The following LAMA5 variants were observed in gnomAD, a reference collection of about 807,000 sequenced individuals.
LAMA5 encodes the protein laminin subunit alpha 5.
A neutral mutation model predicts 433.4 loss-of-function variants in LAMA5; 260 were observed. That is an observed-to-expected ratio of 0.60 (90% CI 0.54 to 0.66). The LOEUF (loss-of-function observed/expected upper bound fraction) is 0.66, where lower values mean the gene tolerates loss of function less well. Among genes scored for constraint, LAMA5 ranks in the 30% least tolerant of loss-of-function variants. LAMA5 has a pLI of 0.00. For missense variants in LAMA5, 5,378 were observed against 5,258.5 expected (o/e 1.02, Z -0.70); for synonymous variants, 2,620 against 2,226.6 (o/e 1.18, Z -4.97).
At chr20:62,351,669 C>A in intron 6 of LAMA5, 35 bp downstream of exon 6, 1 of 1,592,240 alleles carries the variant, frequency 6.3e-7, no homozygotes, top group Non-Finnish European at 8.6e-7. Context: ...GGGGGGGCCT[C>A]ACCTGAACGG....
rs374364896 is a variant in LAMA5 at position 62,323,387 on chromosome 20, C to T, written c.6064+69G>A. 144 of 1,273,716 alleles carry T rather than the reference C, an allele frequency of 1.1e-4. 1 individual carries two copies. The highest frequency in any genetic ancestry group is 8.3e-4 in the South Asian group (56 of 67,810). The allele number at this position is 1,273,716 out of a possible 1,614,324, so 78.9% of individuals were successfully genotyped here. ...AGGCACACAGCCTACTTACGGGGTA[C>T]GCCCAGCAGGCCTCCCTCCTCCCCG... On this transcript the variant is annotated intron_variant, in intron 45 of 79. Coordinates refer to ENST00000252999, the MANE Select transcript of LAMA5 (RefSeq NM_005560.6).
chr20:62,366,777 C>G (rs571161233), intron 1 of LAMA5, among the ~76,000 whole-genome samples, 172 bp downstream of exon 1: 61 of 152,278 alleles, frequency 4.0e-4, no homozygotes, highest in African/African-American at 1.4e-3. Flanking sequence ...GCGAAGTTTC[C>G]CGGCCGAGAC....
chr20:62,338,356 G>A lies in LAMA5; in HGVS notation c.1632C>T (p.Ser544=). ...AGCGGTCATCGGCCACTCCAGGGCT[G>A]GAACACTGGCAGGCTGCAGGAAAGG... ...YGPGCQPCQC[S]SPGVADDRCD... is the part of the protein sequence containing the mutation. Residue 544 remains serine, a synonymous_variant, in exon 13 of 80, where the codon TCC becomes TCT. Transcript: ENST00000252999. The A allele has an allele frequency of 1.2e-6, 2 of 1,608,770 alleles. No homozygotes were observed. Among genetic ancestry groups the A allele is most frequent in the Non-Finnish European group, 1.7e-6 (2 of 1,177,760 alleles).
intron 31 of LAMA5, among the ~76,000 whole-genome samples, chr20:62,330,284 C>G (rs1980112378): frequency 6.6e-6 from 1 of 152,276 alleles, no homozygotes; most frequent in African/African-American, 2.4e-5. Flanking sequence ...ACGCACGAGA[C>G]AGAGGCGAGA....
chr20:62,314,749 TCCA>T, intron 60 of LAMA5, 24 bp from the exon 61 acceptor site: 1 of 1,612,536 alleles, frequency 6.2e-7, no homozygotes, highest in East Asian at 2.2e-5. Context: ...TCCATCAGCG[TCCA>T]CCACCACCCT....
intron 26 of LAMA5, 134 bp downstream of exon 26, chr20:62,332,956 G>A (rs984997221): frequency 1.5e-4 from 15 of 99,354 alleles, no homozygotes; most frequent in Admixed American, 7.1e-4. Context: ...AGGCAGGGGC[G>A]CCCTGCCTGG....
Position 62,314,646 on chromosome 20 carries a change from T to C in LAMA5, c.8276A>G (p.Tyr2759Cys), listed in dbSNP as rs1207286894. ...CTGCAGGTAGAACTTGAGGGCAGTG[T>C]AGGCAGCAAGGTCGGCAAGATCCCG... ...TPRDLADLAA[Y>C]TALKFYLQGP... The change falls in exon 61 of 80, where the codon TAC becomes TGC. Residue 2759 changes from tyrosine (Y) to cysteine (C), a missense_variant. Coordinates refer to ENST00000252999, the MANE Select transcript of LAMA5 (RefSeq NM_005560.6). 1 of 1,612,656 alleles carries C rather than the reference T, an allele frequency of 6.2e-7. No individual in the cohort carries two copies. Among genetic ancestry groups the C allele is most frequent in the African/African-American group, 1.3e-5 (1 of 75,036 alleles).
At chr20:62,341,643 C>T (rs1982598753) in intron 11 of LAMA5, among the ~76,000 whole-genome samples, 1 of 151,938 alleles carries the variant, frequency 6.6e-6, no homozygotes, top group Non-Finnish European at 1.5e-5. Flanking sequence ...AATAATAACT[C>T]AAGAAGCTAT....
At chr20:62,323,989 C>A in intron 43 of LAMA5, 91 bp downstream of exon 43, 1 of 1,421,646 alleles carries the variant, frequency 7.0e-7, no homozygotes, top group Non-Finnish European at 9.4e-7. Context: ...GCTGTCCAGG[C>A]CTCTGCAGAG....
chr20:62,353,509 T>G (rs113940957), intron 2 of LAMA5, among the ~76,000 whole-genome samples: 4,894 of 152,234 alleles, frequency 0.032, 96 homozygotes, highest in Admixed American at 0.054. Flanking sequence ...ACGCGCTGCC[T>G]CCTCCCCTTC....
In LAMA5 at chr20:62,329,232, C is replaced by T. The variant is rs755017015; in HGVS notation, c.4141G>A (p.Glu1381Lys). 1.2e-5 allele frequency: 19 copies of T among 1,612,508 alleles called. No individual in the cohort carries two copies. The Admixed American group carries it at 3.0e-4, about 25-fold the overall frequency. Residue 1381 changes from glutamate to lysine, a missense_variant, in exon 33 of 80, where the codon GAG becomes AAG. By Grantham distance (56) the Glu-to-Lys change is moderately conservative (BLOSUM62 1). Coordinates refer to ENST00000252999, the MANE Select transcript of LAMA5 (RefSeq NM_005560.6). ...LWLDYVLVVPENVYSFGYLRE... is the reference protein window; with the variant it reads ...LWLDYVLVVPKNVYSFGYLRE... The stretch of plus-strand genomic sequence containing the variant: ...AGGTAGCCAAAGCTGTAGACGTTCT[C>T]AGGGACCACGAGTACATAATCCTAG...
chr20:62,332,242 T>C lies in LAMA5; in HGVS notation c.3552+130A>G, dbSNP rs554212753. On this transcript the variant is annotated intron_variant, in intron 28 of 79. Coordinates refer to ENST00000252999, the MANE Select transcript of LAMA5 (RefSeq NM_005560.6). Reference sequence around the variant, plus strand: ...AGGAGGGGTTCCAGAAGAAACATGCTGGGCTGGGCATGAGCGAGTGTGGCC... The same window carrying C: ...AGGAGGGGTTCCAGAAGAAACATGCCGGGCTGGGCATGAGCGAGTGTGGCC... The C allele has an allele frequency of 1.5e-5, 10 of 662,684 alleles. No individual in the cohort carries two copies. The South Asian group carries it at 1.8e-4, about 12-fold the overall frequency. 41.1% of individuals were successfully genotyped at this position (662,684 alleles called of 1,614,324 possible). A position where few individuals can be genotyped will look rare whatever the true frequency, so the allele number is the denominator to read the frequency against.
intron 23 of LAMA5, 79 bp downstream of exon 23, chr20:62,333,822 T>C (rs1980985594): frequency 1.7e-6 from 1 of 600,888 alleles, no homozygotes; most frequent in African/African-American, 5.4e-5. Context: ...CAGAGGAAGG[T>C]GGCGGGGCTT....
At chr20:62,366,892 G>T in intron 1 of LAMA5, 57 bp downstream of exon 1, 1 of 1,230,384 alleles carries the variant, frequency 8.1e-7, no homozygotes, top group South Asian at 4.1e-5. Context: ...GGGTCGGGCC[G>T]GTGTTCCGGG....
chr20:62,311,296 G>A lies in LAMA5; in HGVS notation c.9954C>T (p.Arg3318=). 1.3e-6 allele frequency: 2 copies of A among 1,582,686 alleles called. No individual in the cohort carries two copies. The highest frequency in any genetic ancestry group is 2.2e-5 in the East Asian group (1 of 44,504). Residue 3318 remains arginine, a synonymous_variant, in exon 73 of 80, where the codon CGC becomes CGT. Coordinates refer to ENST00000252999, the MANE Select transcript of LAMA5 (RefSeq NM_005560.6). ...LQATARKASR[R]SRQPARHPAC... ...CAGGATGCCGGGCGGGCTGACGGCT[G>A]CGGCGGGAGGCCTGGGGGCGTGGAT...
chr20:62,352,682 A>C (rs965616507), intron 3 of LAMA5, among the ~76,000 whole-genome samples: 2 of 152,060 alleles, frequency 1.3e-5, no homozygotes, highest in African/African-American at 4.8e-5. Context: ...TTTGGGGGAC[A>C]CGTGACCAGG....
In LAMA5 at chr20:62,322,674, C is replaced by T. The variant is rs767499635; in HGVS notation, c.6149G>A (p.Arg2050His). 70 of 1,542,896 alleles carry T rather than the reference C, an allele frequency of 4.5e-5. No homozygotes were observed. Among genetic ancestry groups the T allele is most frequent in the Middle Eastern group, 4.6e-4 (2 of 4,382 alleles). ...CAGCCCTACCTGGCAGCGGTCACAGCGCCGCCCAGTCACGCCCGCCTTGCA... is the reference window on the plus strand; with the variant it reads ...CAGCCCTACCTGGCAGCGGTCACAGTGCCGCCCAGTCACGCCCGCCTTGCA... ...CLCKAGVTGRRCDRCQEGHFG... is the reference protein window; with the variant it reads ...CLCKAGVTGRHCDRCQEGHFG... Residue 2050 changes from arginine to histidine, a missense_variant, in exon 46 of 80, where the codon CGC becomes CAC. Transcript: ENST00000252999.
Position 62,313,405 on chromosome 20 carries a change from A to G in LAMA5, c.8714T>C (p.Leu2905Pro). ...GTAGAGGCTGACCACCTCCTCATTCAGCGTGTCCATCTCGATGCAGCCCCG... is the reference window on the plus strand; with the variant it reads ...GTAGAGGCTGACCACCTCCTCATTCGGCGTGTCCATCTCGATGCAGCCCCG... ...GYRGCIEMDT[L>P]NEEVVSLYNF... The change falls in exon 64 of 80, where the codon CTG (leucine) becomes CCG (proline). Residue 2905 changes from leucine (L) to proline (P), a missense_variant. By Grantham distance (98) the Leu-to-Pro change is moderately conservative. Coordinates refer to ENST00000252999, the MANE Select transcript of LAMA5 (RefSeq NM_005560.6). The G allele has an allele frequency of 6.2e-7, 1 of 1,609,488 alleles. No homozygotes were observed. The highest frequency in any genetic ancestry group is 8.5e-7 in the Non-Finnish European group (1 of 1,178,716).
chr20:62,324,187 G>T lies in LAMA5; in HGVS notation c.5661C>A (p.Thr1887=), dbSNP rs377010676. 8.3e-6 allele frequency: 13 copies of T among 1,575,374 alleles called. No individual in the cohort carries two copies. The African/African-American group carries it at 1.5e-4, about 19-fold the overall frequency. ...SGVCVDCQHN[T]EGAHCERCQA... is the part of the protein sequence containing the mutation. ...GGCAGCGCTCACAGTGGGCCCCTTCGGTGTTGTGCTGGCAGTCCTGGGGCA... is the reference window on the plus strand; with the variant it reads ...GGCAGCGCTCACAGTGGGCCCCTTCTGTGTTGTGCTGGCAGTCCTGGGGCA... Residue 1887 remains threonine, a synonymous_variant, in exon 43 of 80, where the codon ACC becomes ACA. Coordinates refer to ENST00000252999, the MANE Select transcript of LAMA5 (RefSeq NM_005560.6). This position sits in a 1 kb window ranked among gnomAD's most constrained non-coding sequence, Gnocchi z 4.4.
Sources: allele counts gnomAD v4.1 joint callset (sites outside exome capture counted in the v4.1 genomes callset), GRCh38; gene constraint gnomAD v4.1.1; non-coding constraint Gnocchi (gnomAD v3.1); transcripts MANE v1.5; gene names NCBI Gene and HGNC (gene_info 2026-07-23, HGNC 2026-07-21).